The following RGS12 variants were observed in gnomAD, a reference collection of about 807,000 sequenced individuals.
The protein encoded by RGS12 is regulator of G-protein signaling 12.
Under a neutral mutation model 120.1 loss-of-function variants are expected in RGS12, and 66 were observed. That is an observed-to-expected ratio of 0.55 (90% CI 0.45 to 0.67). The LOEUF (loss-of-function observed/expected upper bound fraction) is 0.67. RGS12 is among the 30% of genes least tolerant of loss of function. RGS12 has a pLI of 0.00. For synonymous variants in RGS12, 827 were observed against 804.7 expected (o/e 1.03, Z -0.47); for missense variants, 1,859 against 1,957.7 (o/e 0.95, Z 0.95).
At chr4:3,323,208 C>A in intron 2 of RGS12, among the ~76,000 whole-genome samples, 1 of 152,320 alleles carries the variant, frequency 6.6e-6, no homozygotes, top group East Asian at 1.9e-4. Flanking sequence ...GGAGGGGTGC[C>A]GTGGCGCCTC....
At chr4:3,342,343 CATAG>C in intron 2 of RGS12, 1 of 1,138,762 alleles carries the variant, frequency 8.8e-7, no homozygotes, top group Non-Finnish European at 1.1e-6. Flanking sequence ...ATGGGCACAA[CATAG>C]ATGTTTGTCG....
rs565703259 is a variant in RGS12 at position 3,372,641 on chromosome 4, G to A, written c.1999-13775G>A. Among the ~76,000 whole-genome samples the A allele has an allele frequency of 9.2e-5, 14 of 152,372 alleles. No homozygotes were observed. Among genetic ancestry groups the A allele is most frequent in the African/African-American group, 2.6e-4 (11 of 41,588 alleles). ...GGCCATCAGGGTGTGGTTTTGTGAC[G>A]TCTCAGGGTGTCCTTTCTTTCCTTC... On this transcript the variant is annotated intron_variant, in intron 3 of 17. Coordinates refer to ENST00000336727, the MANE Select transcript of RGS12 (RefSeq NM_001394154.1). The surrounding 1 kb of genome is among the most constrained non-coding windows in gnomAD (Gnocchi z 4.3).
chr4:3,312,436 G>C, intron 1 of RGS12: 1 of 208,804 alleles, frequency 4.8e-6, no homozygotes, highest in East Asian at 1.1e-4. Flanking sequence ...GAACACTGTG[G>C]ACCTGTGAGG....
At chr4:3,413,992 G>T (rs1284500832) in intron 4 of RGS12, 80 bp from the exon 5 acceptor site, 3 of 1,417,032 alleles carry the variant, frequency 2.1e-6, no homozygotes, top group Non-Finnish European at 2.8e-6. Context: ...GTGTCCCAGG[G>T]TCTCCTGTGG....
At chr4:3,293,383 GC>G (rs1488933719) in intron 1 of RGS12, among the ~76,000 whole-genome samples, 1 of 147,086 alleles carries the variant, frequency 6.8e-6, no homozygotes, top group Non-Finnish European at 1.5e-5. Flanking sequence ...CGGGTGCGCG[GC>G]CTCCTGGGGC....
intron 1 of RGS12, among the ~76,000 whole-genome samples, chr4:3,307,601 C>A (rs180986217): frequency 6.6e-6 from 1 of 152,356 alleles, no homozygotes; most frequent in East Asian, 1.9e-4. Context: ...TCTTGGCACC[C>A]TTCCCTCCTC....
intron 7 of RGS12, 142 bp downstream of exon 7, chr4:3,416,263 T>C (rs2109118241): frequency 2.1e-6 from 2 of 975,274 alleles, no homozygotes; most frequent in Non-Finnish European, 3.0e-6. Context: ...AGACAGAAAG[T>C]GGGGCTTTCA....
intron 16 of RGS12, among the ~76,000 whole-genome samples, chr4:3,430,021 A>G (rs983646586): frequency 2.6e-5 from 4 of 152,188 alleles, no homozygotes; most frequent in Admixed American, 6.5e-5. Flanking sequence ...GACCAACCGG[A>G]GGAGGGGGCC....
intron 12 of RGS12, 108 bp from the exon 13 acceptor site, chr4:3,423,407 C>G (rs981932316): frequency 4.8e-6 from 7 of 1,450,108 alleles, no homozygotes; most frequent in Non-Finnish European, 6.7e-6. Flanking sequence ...GGGGGGCACA[C>G]CGAGGCCTTG....
At chr4:3,309,954 C>T (rs1396514322) in intron 1 of RGS12, among the ~76,000 whole-genome samples, 1 of 126,440 alleles carries the variant, frequency 7.9e-6, no homozygotes, top group African/African-American at 3.0e-5. Flanking sequence ...TGAGGGGAAC[C>T]GTGCAGGGGA....
rs780122557 is a variant in RGS12 at position 3,425,576 on chromosome 4, G to A, written c.3331+16G>A. 10 of 1,597,448 alleles carry A rather than the reference G, an allele frequency of 6.3e-6. No individual in the cohort carries two copies. The highest frequency in any genetic ancestry group is 7.7e-6 in the Non-Finnish European group (9 of 1,170,264). On this transcript the variant is annotated intron_variant, in intron 14 of 17. Coordinates refer to ENST00000336727, the MANE Select transcript of RGS12 (RefSeq NM_001394154.1). ...AGAGGAAAGGGTGAGTAGGGCTGGT[G>A]CAGCGGATGGGGAGAGGGTGAGTGG...
At chr4:3,304,862 C>T (rs574292643) in intron 1 of RGS12, among the ~76,000 whole-genome samples, 29 of 152,376 alleles carry the variant, frequency 1.9e-4, no homozygotes, top group East Asian at 5.8e-4. Flanking sequence ...GGTTCGCTGC[C>T]GCTGTGCAGC....
chr4:3,438,818 C>A lies in RGS12; in HGVS notation c.4115-637C>A, dbSNP rs562100281. Reference sequence around the variant, plus strand: ...CAGAAGTGGGGCAAGAGTCACTGACCAGCCGGAAAGAGGGGCCTCAGTAGG... The same window carrying A: ...CAGAAGTGGGGCAAGAGTCACTGACAAGCCGGAAAGAGGGGCCTCAGTAGG... On this transcript the variant is annotated intron_variant, in intron 17 of 17. Transcript: ENST00000336727. 3.9e-5 allele frequency among the ~76,000 whole-genome samples: 6 copies of A among 152,152 alleles called. No individual in the cohort carries two copies. In the East Asian group the frequency reaches 1.2e-3, roughly 29 times the overall value.
intron 13 of RGS12, among the ~76,000 whole-genome samples, chr4:3,424,148 G>A (rs1026876336): frequency 2.6e-5 from 4 of 152,262 alleles, no homozygotes; most frequent in African/African-American, 4.8e-5. Context: ...AAAACACCGC[G>A]TGGGGTGGTG....
intron 3 of RGS12, among the ~76,000 whole-genome samples, chr4:3,368,156 G>T (rs1560119276): frequency 6.6e-6 from 1 of 152,166 alleles, no homozygotes; most frequent in Non-Finnish European, 1.5e-5. Flanking sequence ...GTTGTCCTCT[G>T]CTCCCGCCTG....
At chr4:3,429,343 C>T (rs558573900) in intron 16 of RGS12, among the ~76,000 whole-genome samples, 135 of 152,326 alleles carry the variant, frequency 8.9e-4, no homozygotes, top group African/African-American at 3.1e-3. Context: ...CAGCTGTCAC[C>T]GTGACCTGAA....
chr4:3,336,460 C>T (rs1712476879), intron 2 of RGS12, among the ~76,000 whole-genome samples: 1 of 152,192 alleles, frequency 6.6e-6, no homozygotes, highest in African/African-American at 2.4e-5. Context: ...CTCTATATTG[C>T]CTCTTTTTGG....
intron 10 of RGS12, 36 bp downstream of exon 10, chr4:3,420,754 G>T: frequency 1.3e-6 from 2 of 1,564,252 alleles, no homozygotes; most frequent in Non-Finnish European, 8.8e-7. Flanking sequence ...ACAGGCCTCA[G>T]GGGTGTCCCC....
At chr4:3,323,807 A>C (rs772364649) in intron 2 of RGS12, among the ~76,000 whole-genome samples, 1 of 151,582 alleles carries the variant, frequency 6.6e-6, no homozygotes, top group Admixed American at 6.6e-5. Context: ...AAGTTTGCCA[A>C]ATTGCTCACC....
Sources: gnomAD v4.1 joint callset for allele counts (sites outside exome capture counted in the v4.1 genomes callset) on GRCh38, gnomAD v4.1.1 for gene constraint, Gnocchi (gnomAD v3.1) non-coding constraint, MANE v1.5 for transcripts, NCBI Gene and HGNC (gene_info 2026-07-23, HGNC 2026-07-21) for gene names.